NRXN2: variants seen among roughly 807,000 people sequenced by gnomAD.
NRXN2 encodes neurexin 2.
A neutral mutation model predicts 128.8 loss-of-function variants in NRXN2; 29 were observed. The ratio of observed to expected loss-of-function variants is 0.23; its 90% CI spans 0.17 to 0.31. The LOEUF is 0.31. NRXN2 is among the 10% of genes least tolerant of loss of function. The pLI is 1.00. For missense variants in NRXN2, 1,881 were observed against 2,452.6 expected (o/e 0.77, Z 4.92); for synonymous variants, 1,098 against 1,075.2 (o/e 1.02, Z -0.41).
rs1218874625 is a variant in NRXN2 at position 64,632,542 on chromosome 11, G to A, written c.3586-1969C>T. ...TATCAGCTCCCTGGATTCCTCTGAG[G>A]ATTTCTCCCCACAGGCTCAGCCCAG... On this transcript the variant is annotated intron_variant, in intron 18 of 22. Coordinates refer to ENST00000265459, the MANE Select transcript of NRXN2 (RefSeq NM_015080.4). This position sits in a 1 kb window ranked among gnomAD's most constrained non-coding sequence, Gnocchi z 4.2. Among the ~76,000 whole-genome samples, 1 of 152,170 alleles carries A rather than the reference G, an allele frequency of 6.6e-6. No homozygotes were observed. Among genetic ancestry groups the A allele is most frequent in the African/African-American group, 2.4e-5 (1 of 41,432 alleles).
chr11:64,660,689 C>T lies in NRXN2; in HGVS notation c.2185+64G>A, dbSNP rs1245472629. The T allele has an allele frequency of 6.2e-7, 1 of 1,600,588 alleles. No individual in the cohort carries two copies. On this transcript the variant is annotated intron_variant, in intron 10 of 22. Coordinates refer to ENST00000265459, the MANE Select transcript of NRXN2 (RefSeq NM_015080.4). This position sits in a 1 kb window ranked among gnomAD's most constrained non-coding sequence, Gnocchi z 5.2. The stretch of plus-strand genomic sequence containing the variant: ...TGGCACAGGGATGGAAAGTAGGAGT[C>T]ACCCTGAGAAGGAGGAGCACAGGGA...
At chr11:64,697,694 T>C in intron 3 of NRXN2, 81 bp downstream of exon 3, 1 of 1,553,794 alleles carries the variant, frequency 6.4e-7, no homozygotes, top group African/African-American at 1.4e-5. Flanking sequence ...AGGGAGTCCT[T>C]GGGTAGCCAA....
In NRXN2 at chr11:64,651,058, G is replaced by T. The variant is rs537585133; in HGVS notation, c.2918+197C>A. The stretch of plus-strand genomic sequence containing the variant: ...GGAACTCTGGCAAGGAAGCAGCTGG[G>T]GAGTCAGCAGTGGAAGAGGGTGTGC... On this transcript the variant is annotated intron_variant, in intron 14 of 22. Transcript: ENST00000265459. The surrounding 1 kb of genome is among the most constrained non-coding windows in gnomAD (Gnocchi z 5.9). Among the ~76,000 whole-genome samples, 1 of 152,194 alleles carries T rather than the reference G, an allele frequency of 6.6e-6. No homozygotes were observed. Among genetic ancestry groups the T allele is most frequent in the Non-Finnish European group, 1.5e-5 (1 of 68,028 alleles).
At chr11:64,708,692 C>T (rs1171119536) in intron 2 of NRXN2, among the ~76,000 whole-genome samples, 1 of 152,220 alleles carries the variant, frequency 6.6e-6, no homozygotes, top group Non-Finnish European at 1.5e-5. Flanking sequence ...GCACACCAAA[C>T]ATCTGAAGGC....
intron 12 of NRXN2, 93 bp from the exon 13 acceptor site, chr11:64,652,247 C>A: frequency 1.4e-6 from 2 of 1,472,532 alleles, no homozygotes; most frequent in South Asian, 1.2e-5. Context: ...CCTCCCCATC[C>A]CCGCACATGC....
At position 64,668,460 on chromosome 11, in the gene NRXN2, T is replaced by C. The variant is rs779590742; in HGVS notation, c.1342A>G (p.Met448Val). 4.3e-6 allele frequency: 7 copies of C among 1,613,612 alleles called. No individual in the cohort carries two copies. The highest frequency in any genetic ancestry group is 2.2e-5 in the South Asian group (2 of 91,076). ...LPGSPVSNNF[M>V]GCLKDVVYKN... ...CTACTCACGTCCTTGAGGCAGCCCA[T>C]GAAGTTGTTGCTGACGGGCGAGCCC... Residue 448 changes from methionine to valine, a missense_variant, in exon 8 of 23, where the codon ATG becomes GTG. By Grantham distance (21) the Met-to-Val change is conservative. Coordinates refer to ENST00000265459, the MANE Select transcript of NRXN2 (RefSeq NM_015080.4).
chr11:64,656,455 G>A (rs1441791176), intron 11 of NRXN2, among the ~76,000 whole-genome samples: 1 of 133,164 alleles, frequency 7.5e-6, no homozygotes, highest in African/African-American at 3.2e-5. Flanking sequence ...CACTAAGAAA[G>A]AACCACTCAA....
intron 2 of NRXN2, among the ~76,000 whole-genome samples, chr11:64,704,069 G>A (rs949912110): frequency 1.5e-4 from 23 of 152,056 alleles, no homozygotes; most frequent in Admixed American, 5.2e-4. Flanking sequence ...ACCCTCTAGA[G>A]AAGCCTGTCC....
At chr11:64,636,123 A>G (rs1173422470) in intron 17 of NRXN2, among the ~76,000 whole-genome samples, 2 of 133,912 alleles carry the variant, frequency 1.5e-5, no homozygotes, top group East Asian at 2.6e-4. Context: ...GGGAGGGGGG[A>G]GAGGGGAGAT....
intron 2 of NRXN2, among the ~76,000 whole-genome samples, chr11:64,702,004 G>T (rs1311555565): frequency 6.7e-6 from 1 of 148,832 alleles, no homozygotes; most frequent in African/African-American, 2.5e-5. Flanking sequence ...AGGGAGGTGG[G>T]GGGGGTCAGC....
At chr11:64,677,529 T>C (rs1484052205) in intron 6 of NRXN2, among the ~76,000 whole-genome samples, 1 of 152,218 alleles carries the variant, frequency 6.6e-6, no homozygotes. Context: ...TTGCCCCACC[T>C]GTCCCTGCCC....
chr11:64,670,730 C>T (rs1292792277), intron 7 of NRXN2, among the ~76,000 whole-genome samples: 1 of 152,150 alleles, frequency 6.6e-6, no homozygotes, highest in African/African-American at 2.4e-5. Flanking sequence ...CCCAGGGCCA[C>T]ACTGCCTGCA....
At chr11:64,616,838 T>G (rs1044690137) in intron 22 of NRXN2, among the ~76,000 whole-genome samples, 7 of 152,152 alleles carry the variant, frequency 4.6e-5, no homozygotes, top group Non-Finnish European at 7.4e-5. Context: ...ACAATATGTG[T>G]GCCTTGGTGC....
chr11:64,627,351 C>T (rs1399201449), intron 19 of NRXN2, among the ~76,000 whole-genome samples: 2 of 151,212 alleles, frequency 1.3e-5, no homozygotes, highest in African/African-American at 4.8e-5. Flanking sequence ...TTCCCCTTCT[C>T]ACCTCCTCTT....
At chr11:64,637,201 C>T (rs2044858947) in intron 17 of NRXN2, among the ~76,000 whole-genome samples, 3 of 152,122 alleles carry the variant, frequency 2.0e-5, no homozygotes, top group African/African-American at 7.2e-5. Context: ...TGACATCTCA[C>T]CTCTGCCTGT....
Position 64,648,222 on chromosome 11 carries a change from C to G in NRXN2, c.3400G>C (p.Asp1134His). ...MTSYGGPVCN[D>H]PGTTYIFGKG... Reference sequence around the variant, plus strand: ...CCCAGCCCTCCCAGGCACTCACGATCATTGCAGACAGGGCCTCCATAGGAA... The same window carrying G: ...CCCAGCCCTCCCAGGCACTCACGATGATTGCAGACAGGGCCTCCATAGGAA... The change falls in exon 17 of 23, where the codon GAT becomes CAT. Residue 1134 changes from aspartate to histidine, a missense_variant. By Grantham distance (81) the Asp-to-His change is moderately conservative. Coordinates refer to ENST00000265459, the MANE Select transcript of NRXN2 (RefSeq NM_015080.4). This position sits in a 1 kb window ranked among gnomAD's most constrained non-coding sequence, Gnocchi z 4.1. 6.2e-7 allele frequency: 1 copy of G among 1,614,206 alleles called. No individual in the cohort carries two copies. The highest frequency in any genetic ancestry group is 8.5e-7 in the Non-Finnish European group (1 of 1,180,036).
rs956254412 is a variant in NRXN2, at chr11:64,651,124, T to A, written c.2918+131A>T. The A allele has an allele frequency of 1.0e-5, 13 of 1,275,208 alleles. No homozygotes were observed. The African/African-American group carries it at 1.6e-4, about 16-fold the overall frequency. The allele number at this position is 1,275,208 out of a possible 1,614,324, so 79.0% of individuals were successfully genotyped here. On this transcript the variant is annotated intron_variant, in intron 14 of 22. Transcript: ENST00000265459. This position sits in a 1 kb window ranked among gnomAD's most constrained non-coding sequence, Gnocchi z 5.9. ...GAAGAGGGAGCCTCTCGACTTACGG[T>A]CGGGGACCTGAATCTTGACTTGTGA...
In NRXN2 at chr11:64,660,587, G is replaced by A. The variant is rs566399801; in HGVS notation, c.2186-52C>T. 3.4e-5 allele frequency: 55 copies of A among 1,600,532 alleles called. No individual in the cohort carries two copies. In the South Asian group the frequency reaches 5.5e-4, roughly 16 times the overall value. On this transcript the variant is annotated intron_variant, in intron 10 of 22. Transcript: ENST00000265459. The surrounding 1 kb of genome is among the most constrained non-coding windows in gnomAD (Gnocchi z 5.2). ...AAGGAGAAGACAGGCAGAGGCCAGG[G>A]GAGGGAGAAGACCAGAGAATCATTA...
intron 2 of NRXN2, among the ~76,000 whole-genome samples, chr11:64,710,203 T>C (rs189934587): frequency 3.3e-5 from 5 of 152,102 alleles, no homozygotes; most frequent in Admixed American, 3.3e-4. Flanking sequence ...CCACTGCACC[T>C]GGCTCACGTT....
Sources: gnomAD v4.1 joint callset for allele counts (sites outside exome capture counted in the v4.1 genomes callset) on GRCh38, gnomAD v4.1.1 for gene constraint, Gnocchi (gnomAD v3.1) non-coding constraint, MANE v1.5 for transcripts, NCBI Gene and HGNC (gene_info 2026-07-23, HGNC 2026-07-21) for gene names.